Variants in CHRM3 observed in about 807,000 individuals in gnomAD.
CHRM3 encodes the protein muscarinic acetylcholine receptor M3.
Under a neutral mutation model 41.8 loss-of-function variants are expected in CHRM3, and 11 were observed. That is an observed-to-expected ratio of 0.26 (90% confidence interval 0.17 to 0.44). The LOEUF is 0.44. Ranked by LOEUF, CHRM3 falls within the 20% of genes least tolerant of loss-of-function variation. The pLI, the probability that CHRM3 is intolerant of heterozygous loss-of-function variation, is 1.00. For synonymous variants in CHRM3, 297 were observed against 301.4 expected (o/e 0.99, Z 0.15); for missense variants, 571 against 745.4 (o/e 0.77, Z 2.72).
At chr1:239,789,555 A>G (rs1046633579) in intron 5 of CHRM3, among the ~76,000 whole-genome samples, 6 of 152,164 alleles carry the variant, frequency 3.9e-5, no homozygotes, top group Admixed American at 2.0e-4. Flanking sequence ...TCATGGAGGA[A>G]GGTGAAGGGG....
At position 239,644,490 on chromosome 1, in the gene CHRM3, G is replaced by A. The variant is rs969521229; in HGVS notation, c.-250+12204G>A. Among the ~76,000 whole-genome samples, 14 of 152,298 alleles carry A rather than the reference G, an allele frequency of 9.2e-5. 1 individual carries two copies. Among genetic ancestry groups the A allele is most frequent in the Non-Finnish European group, 1.5e-5 (1 of 68,032 alleles). ...TCACAAATGTATTTGAGTTCCAGGT[G>A]CACAATGGGAATGCATCAGTGAAAG... On this transcript the variant is annotated intron_variant, in intron 4 of 6. Transcript: ENST00000676153.
At chr1:239,777,016 T>G (rs1668142693) in intron 5 of CHRM3, among the ~76,000 whole-genome samples, 1 of 152,120 alleles carries the variant, frequency 6.6e-6, no homozygotes, top group African/African-American at 2.4e-5. Context: ...AAGATGAGAT[T>G]TGGGTGGGGA....
At chr1:239,877,974 T>C (rs559769008) in intron 6 of CHRM3, among the ~76,000 whole-genome samples, 1 of 151,446 alleles carries the variant, frequency 6.6e-6, no homozygotes, top group Non-Finnish European at 1.5e-5. Context: ...CACTGCAAGC[T>C]CTGCCTCCCA....
chr1:239,776,110 A>G (rs1215032250), intron 5 of CHRM3, among the ~76,000 whole-genome samples: 1 of 152,066 alleles, frequency 6.6e-6, no homozygotes, highest in Non-Finnish European at 1.5e-5. Flanking sequence ...GTTCAAAGGG[A>G]CATCAAATAA....
intron 5 of CHRM3, among the ~76,000 whole-genome samples, chr1:239,756,962 A>C (rs1323115470): frequency 6.6e-6 from 1 of 152,210 alleles, no homozygotes; most frequent in African/African-American, 2.4e-5. Context: ...AGCATTAGAC[A>C]AGTGACTCGT....
At chr1:239,817,777 A>C (rs751698999) in intron 5 of CHRM3, among the ~76,000 whole-genome samples, 1 of 152,084 alleles carries the variant, frequency 6.6e-6, no homozygotes, top group Non-Finnish European at 1.5e-5. Context: ...GGGAACTGTG[A>C]TTCCGTCCCA....
chr1:239,831,715 G>A (rs908494554), intron 6 of CHRM3, among the ~76,000 whole-genome samples: 12 of 152,072 alleles, frequency 7.9e-5, no homozygotes, highest in Non-Finnish European at 1.2e-4. Context: ...GAGGCCCGGG[G>A]GTGCTTGACC....
chr1:239,543,639 C>A (rs1052096178), intron 2 of CHRM3, among the ~76,000 whole-genome samples: 1 of 152,022 alleles, frequency 6.6e-6, no homozygotes. Context: ...TCCCAAGTAT[C>A]TGGGACTACA....
chr1:239,439,697 A>G (rs757415968), intron 1 of CHRM3, among the ~76,000 whole-genome samples: 1 of 152,200 alleles, frequency 6.6e-6, no homozygotes, highest in Non-Finnish European at 1.5e-5. Flanking sequence ...TTGTTGGTTG[A>G]TCATGATCTA....
At chr1:239,647,836 T>C (rs1671874984) in intron 4 of CHRM3, among the ~76,000 whole-genome samples, 2 of 152,256 alleles carry the variant, frequency 1.3e-5, no homozygotes, top group South Asian at 2.1e-4. Context: ...TAATCATAAT[T>C]CAAATTAAGC....
intron 5 of CHRM3, among the ~76,000 whole-genome samples, chr1:239,775,971 C>G (rs968686711): frequency 6.6e-6 from 1 of 152,142 alleles, no homozygotes; most frequent in African/African-American, 2.4e-5. Flanking sequence ...GCTTTTAACC[C>G]TTATAGATAT....
At chr1:239,605,803 G>A (rs1666172388) in intron 3 of CHRM3, among the ~76,000 whole-genome samples, 2 of 152,160 alleles carry the variant, frequency 1.3e-5, no homozygotes, top group Admixed American at 1.3e-4. Context: ...AACTACTTGA[G>A]TGGTAATGAA....
intron 6 of CHRM3, among the ~76,000 whole-genome samples, chr1:239,860,922 AT>A (rs1207431893): frequency 6.6e-6 from 1 of 152,068 alleles, no homozygotes; most frequent in Non-Finnish European, 1.5e-5. Context: ...CATTATATCT[AT>A]TTTTTTCTTA....
At chr1:239,892,985 G>A (rs188074249) in intron 6 of CHRM3, among the ~76,000 whole-genome samples, 1 of 152,306 alleles carries the variant, frequency 6.6e-6, no homozygotes, top group East Asian at 1.9e-4. Context: ...GGAGGGTTGG[G>A]TGTAAAATCT....
intron 3 of CHRM3, among the ~76,000 whole-genome samples, chr1:239,565,595 T>G (rs16838519): frequency 0.11 from 16,796 of 152,240 alleles, 970 homozygotes; most frequent in African/African-American, 0.14. Context: ...AATTTATTTT[T>G]TAAGATTTAT....
At chr1:239,427,617 C>T (rs1186745100) in intron 1 of CHRM3, among the ~76,000 whole-genome samples, 1 of 152,044 alleles carries the variant, frequency 6.6e-6, no homozygotes, top group Non-Finnish European at 1.5e-5. Context: ...TAGAGGTCAT[C>T]CTCCTGGGGC....
At chr1:239,590,851 G>A (rs1334084877) in intron 3 of CHRM3, among the ~76,000 whole-genome samples, 1 of 152,008 alleles carries the variant, frequency 6.6e-6, no homozygotes, top group Admixed American at 6.6e-5. Flanking sequence ...TAAAAGACAA[G>A]AGACTCACTC....
intron 1 of CHRM3, among the ~76,000 whole-genome samples, chr1:239,430,917 G>A (rs1662789922): frequency 6.6e-6 from 1 of 151,818 alleles, no homozygotes; most frequent in East Asian, 1.9e-4. Context: ...AGTTGCTTTC[G>A]ATATTAAATG....
intron 1 of CHRM3, among the ~76,000 whole-genome samples, chr1:239,482,088 T>C (rs1666893053): frequency 6.6e-6 from 1 of 152,146 alleles, no homozygotes; most frequent in Admixed American, 6.6e-5. Context: ...TCTTTTATAT[T>C]CTCCCAGACA....
Sources: allele counts gnomAD v4.1 joint callset (sites outside exome capture counted in the v4.1 genomes callset), GRCh38; gene constraint gnomAD v4.1.1; transcripts MANE v1.5; gene names NCBI Gene and HGNC (gene_info 2026-07-23, HGNC 2026-07-21).